Variants in EPN2 observed in about 807,000 individuals in gnomAD.
EPN2 encodes epsin-2.
Under a neutral mutation model 61.7 loss-of-function variants are expected in EPN2, and 34 were observed. That is an observed-to-expected ratio of 0.55 (90% CI 0.42 to 0.73). EPN2 has a LOEUF of 0.73. Ranked by LOEUF, EPN2 falls within the 30% of genes least tolerant of loss-of-function variation. EPN2 has a pLI of 0.00. For missense variants in EPN2, 714 were observed against 839.2 expected (o/e 0.85, Z 1.84); for synonymous variants, 349 against 353.6 (o/e 0.99, Z 0.15).
intron 4 of EPN2, among the ~76,000 whole-genome samples, chr17:19,301,935 C>T (rs1160173734): frequency 6.6e-6 from 1 of 152,224 alleles, no homozygotes; most frequent in Admixed American, 6.5e-5. Context: ...GGTGCAAAGC[C>T]CCTTTAGGGT....
chr17:19,295,358 A>ACGTGCG, intron 4 of EPN2, among the ~76,000 whole-genome samples: 1 of 66,772 alleles, frequency 1.5e-5, no homozygotes, highest in East Asian at 2.9e-4. Context: ...ACACACACAC[A>ACGTGCG]CACACACACG....
rs530726851 is a variant in EPN2, at chr17:19,324,651, A to G, written c.1148-4060A>G. Reference sequence around the variant, plus strand: ...CCTGGCCAATAGTATATTTTTACATAAGAATTTGTGGGACAACTGAAGCAA... The same window carrying G: ...CCTGGCCAATAGTATATTTTTACATGAGAATTTGTGGGACAACTGAAGCAA... On this transcript the variant is annotated intron_variant, in intron 7 of 10. Coordinates refer to ENST00000314728, the MANE Select transcript of EPN2 (RefSeq NM_014964.5). 5.3e-5 allele frequency among the ~76,000 whole-genome samples: 8 copies of G among 152,330 alleles called. No individual in the cohort carries two copies. In the South Asian group the frequency reaches 1.7e-3, roughly 32 times the overall value.
At chr17:19,286,465 T>C (rs2045406331) in intron 4 of EPN2, among the ~76,000 whole-genome samples, 1 of 152,172 alleles carries the variant, frequency 6.6e-6, no homozygotes, top group Non-Finnish European at 1.5e-5. Flanking sequence ...CTTACAACTG[T>C]AGCAGGTTAA....
intron 1 of EPN2, among the ~76,000 whole-genome samples, chr17:19,251,331 T>C (rs768103592): frequency 3.3e-5 from 5 of 152,166 alleles, no homozygotes; most frequent in Non-Finnish European, 7.3e-5. Flanking sequence ...CTTGCTTCCT[T>C]CAGCTCCCAA....
At chr17:19,266,969 G>A (rs1203971690) in intron 1 of EPN2, among the ~76,000 whole-genome samples, 2 of 146,910 alleles carry the variant, frequency 1.4e-5, no homozygotes, top group Non-Finnish European at 3.0e-5. Flanking sequence ...GACGGATCAC[G>A]AGGTCAGGAG....
At chr17:19,294,480 A>G (rs1471844553) in intron 4 of EPN2, among the ~76,000 whole-genome samples, 1 of 152,268 alleles carries the variant, frequency 6.6e-6, no homozygotes, top group Non-Finnish European at 1.5e-5. Flanking sequence ...GGCGTGTGCC[A>G]TAGAAAATGG....
At chr17:19,260,575 C>A (rs2045130466) in intron 1 of EPN2, among the ~76,000 whole-genome samples, 1 of 151,288 alleles carries the variant, frequency 6.6e-6, no homozygotes, top group South Asian at 2.1e-4. Context: ...ACCTGTTGGC[C>A]AAAGGCTTTG....
chr17:19,307,255 G>A lies in EPN2; in HGVS notation c.767-2630G>A, dbSNP rs371101858. The stretch of plus-strand genomic sequence containing the variant: ...GAAATATAATTGAGTGATAACACTA[G>A]GATGGGATTTGACTTGATTTTATTT... On this transcript the variant is annotated intron_variant, in intron 4 of 10. Coordinates refer to ENST00000314728, the MANE Select transcript of EPN2 (RefSeq NM_014964.5). Among the ~76,000 whole-genome samples, 21 of 152,280 alleles carry A rather than the reference G, an allele frequency of 1.4e-4. No homozygotes were observed. In the East Asian group the frequency reaches 3.5e-3, roughly 25 times the overall value.
chr17:19,312,397 C>G (rs1365867665), intron 6 of EPN2, among the ~76,000 whole-genome samples: 2 of 152,250 alleles, frequency 1.3e-5, no homozygotes, highest in African/African-American at 4.8e-5. Flanking sequence ...TAGTGCCTGC[C>G]TCCTGCCGCT....
intron 6 of EPN2, chr17:19,312,881 G>A: frequency 1.9e-6 from 1 of 519,234 alleles, no homozygotes; most frequent in Middle Eastern, 5.2e-4. Context: ...GGTCTCTGAA[G>A]TCTGGTGAGG....
chr17:19,318,994 C>T (rs1359113579), intron 7 of EPN2, among the ~76,000 whole-genome samples: 1 of 151,984 alleles, frequency 6.6e-6, no homozygotes, highest in Non-Finnish European at 1.5e-5. Context: ...GCCAAGAGTT[C>T]GAGACCAGCC....
At chr17:19,282,899 A>T (rs2045371600) in intron 2 of EPN2, 51 bp from the exon 3 acceptor site, 1 of 507,800 alleles carries the variant, frequency 2.0e-6, no homozygotes, top group Non-Finnish European at 3.5e-6. Context: ...ACAGTCTCCC[A>T]CCCTCACAGG....
At chr17:19,264,395 C>G (rs2045174619) in intron 1 of EPN2, among the ~76,000 whole-genome samples, 2 of 152,086 alleles carry the variant, frequency 1.3e-5, no homozygotes, top group African/African-American at 4.8e-5. Context: ...ACCAGTGGGA[C>G]CTGAAGAGGG....
chr17:19,310,022 C>G (rs2296981), intron 5 of EPN2, 25 bp downstream of exon 5: 1,140,448 of 1,563,646 alleles, frequency 0.73, 445,428 homozygotes, highest in Non-Finnish European at 0.82. Context: ...CAGGTCTGCA[C>G]TGCATTGACT....
intron 1 of EPN2, chr17:19,274,501 A>C (rs1454863319): frequency 6.6e-6 from 1 of 152,140 alleles, no homozygotes; most frequent in Non-Finnish European, 1.5e-5. Context: ...ATGTTGATTG[A>C]CCTGTGATTG....
chr17:19,257,254 A>T (rs1334703015), intron 1 of EPN2, among the ~76,000 whole-genome samples: 1 of 151,722 alleles, frequency 6.6e-6, no homozygotes, highest in Non-Finnish European at 1.5e-5. Flanking sequence ...GGTAATCAGT[A>T]GTTTCCAAAG....
intron 4 of EPN2, among the ~76,000 whole-genome samples, chr17:19,300,703 C>T (rs926414498): frequency 1.3e-5 from 2 of 152,182 alleles, no homozygotes; most frequent in Non-Finnish European, 1.5e-5. Flanking sequence ...GCTGGGATTA[C>T]AGGCATGAGC....
chr17:19,276,974 T>C (rs1460332492), intron 1 of EPN2, among the ~76,000 whole-genome samples: 1 of 152,120 alleles, frequency 6.6e-6, no homozygotes, highest in African/African-American at 2.4e-5. Flanking sequence ...GATCCTGTTT[T>C]AGTTGCATTT....
rs753787529 is a variant in EPN2, at chr17:19,283,409, G to A, written c.290G>A (p.Arg97Gln). 5.0e-6 allele frequency: 8 copies of A among 1,614,076 alleles called. No homozygotes were observed. The highest frequency in any genetic ancestry group is 2.2e-5 in the East Asian group (1 of 44,894). Residue 97 changes from arginine (R) to glutamine (Q), a missense_variant, in exon 3 of 11, where the codon CGG becomes CAG. By Grantham distance (43) the Arg-to-Gln change is conservative (BLOSUM62 1). This residue lies in a region of EPN2 where 304 missense variants were observed against 417.4 expected (regional missense o/e 0.73). Transcript: ENST00000314728. This position sits in a 1 kb window ranked among gnomAD's most constrained non-coding sequence, Gnocchi z 7.0. Reference protein sequence around the residue: ...TGSERVAQQCRENIFAIQTLK... With the variant: ...TGSERVAQQCQENIFAIQTLK... ...TCCGAACGTGTGGCCCAGCAGTGCC[G>A]GGAGAACATCTTCGCCATCCAGACC...
Sources: allele counts gnomAD v4.1 joint callset (sites outside exome capture counted in the v4.1 genomes callset), GRCh38; gene constraint gnomAD v4.1.1; regional missense constraint gnomAD v4.1.1; non-coding constraint Gnocchi (gnomAD v3.1); transcripts MANE v1.5; gene names NCBI Gene and HGNC (gene_info 2026-07-23, HGNC 2026-07-21).